The following ADAMTS17 variants were observed in gnomAD, a reference collection of about 807,000 sequenced individuals.
The protein encoded by ADAMTS17 is ADAM metallopeptidase with thrombospondin type 1 motif 17, also known as A disintegrin and metalloproteinase with thrombospondin motifs 17.
In ADAMTS17, 113 loss-of-function variants were observed where a neutral mutation model predicts 141.5. The ratio of observed to expected loss-of-function variants is 0.80; its 90% CI spans 0.69 to 0.93. The LOEUF (loss-of-function observed/expected upper bound fraction) is 0.93, where lower values mean the gene tolerates loss of function less well. Ranked by LOEUF, ADAMTS17 falls within the 40% of genes least tolerant of loss-of-function variation. The pLI is 0.00. For synonymous variants in ADAMTS17, 768 were observed against 630.6 expected (o/e 1.22, Z -3.27); for missense variants, 1,659 against 1,517.9 (o/e 1.09, Z -1.54).
At chr15:99,999,514 C>T (rs1009259473) in intron 18 of ADAMTS17, among the ~76,000 whole-genome samples, 26 of 150,868 alleles carry the variant, frequency 1.7e-4, no homozygotes, top group South Asian at 4.2e-4. Context: ...TGGAGGGGCA[C>T]GCTGGCGGGG....
chr15:100,245,211 C>T (rs1411275022), intron 7 of ADAMTS17, among the ~76,000 whole-genome samples: 1 of 152,188 alleles, frequency 6.6e-6, no homozygotes, highest in Non-Finnish European at 1.5e-5. Context: ...TGCAGGTTTG[C>T]AGCTGCCAAC....
chr15:100,051,580 CA>C lies in ADAMTS17; in HGVS notation c.2446del (p.Cys816AlafsTer23). On this transcript the variant is annotated frameshift_variant, in exon 17 of 22. Coordinates refer to ENST00000268070, the MANE Select transcript of ADAMTS17 (RefSeq NM_139057.4). LOFTEE classifies it high-confidence loss of function. ...HSGWEGCSVQ[C>X]GGGERRTIVS... is the part of the protein sequence containing the mutation. Reference sequence around the variant, plus strand: ...GGACCACGGCCACTCACCTCCGCCGCACTGCACACTGCACCCTTCCCAGCCG... The same window carrying C: ...GGACCACGGCCACTCACCTCCGCCGCCTGCACACTGCACCCTTCCCAGCCG... 1.2e-6 allele frequency: 2 copies of C among 1,613,666 alleles called. No individual in the cohort carries two copies. Among genetic ancestry groups the C allele is most frequent in the South Asian group, 2.2e-5 (2 of 91,062 alleles).
chr15:100,206,964 A>C (rs1423710693), intron 7 of ADAMTS17, among the ~76,000 whole-genome samples: 1 of 152,216 alleles, frequency 6.6e-6, no homozygotes, highest in African/African-American at 2.4e-5. Flanking sequence ...AGCCAGGAAG[A>C]AGGCAGAGTA....
chr15:100,137,577 T>C (rs1204311121), intron 10 of ADAMTS17, among the ~76,000 whole-genome samples: 1 of 152,160 alleles, frequency 6.6e-6, no homozygotes, highest in Non-Finnish European at 1.5e-5. Context: ...AATAGCAGAC[T>C]TTGTGGCAGA....
chr15:99,994,860 C>G (rs1036792128), intron 19 of ADAMTS17, among the ~76,000 whole-genome samples: 15 of 152,240 alleles, frequency 9.9e-5, no homozygotes, highest in Non-Finnish European at 1.9e-4. Flanking sequence ...CATTGCGCCT[C>G]GCAGCTCTTT....
intron 3 of ADAMTS17, among the ~76,000 whole-genome samples, chr15:100,294,078 G>A (rs534290968): frequency 1.9e-4 from 29 of 152,294 alleles, no homozygotes; most frequent in Non-Finnish European, 3.5e-4. Flanking sequence ...TAAGGTAGAT[G>A]TGGGATTAAG....
intron 20 of ADAMTS17, among the ~76,000 whole-genome samples, chr15:99,983,967 C>T (rs1299365784): frequency 1.3e-5 from 2 of 152,138 alleles, no homozygotes; most frequent in Non-Finnish European, 2.9e-5. Context: ...ACCTCGGAAG[C>T]GGTTGAAACC....
rs112103038 is a variant in ADAMTS17 at position 100,035,190 on chromosome 15, T to G, written c.2591+13667A>C. 6.2e-3 allele frequency among the ~76,000 whole-genome samples: 947 copies of G among 152,290 alleles called. 13 individuals carry two copies. The highest frequency in any genetic ancestry group is 0.021 in the African/African-American group (886 of 41,562). The stretch of plus-strand genomic sequence containing the variant: ...AGTTCCCCAGCAATGCTCTAGATGG[T>G]TAGAAATGACCCAGGTTTCACCATA... On this transcript the variant is annotated intron_variant, in intron 18 of 21. Transcript: ENST00000268070.
chr15:100,059,527 T>C (rs986484671), intron 15 of ADAMTS17, among the ~76,000 whole-genome samples: 1 of 152,236 alleles, frequency 6.6e-6, no homozygotes, highest in Non-Finnish European at 1.5e-5. Context: ...CCGTGGTCCA[T>C]CTGAAAAATC....
chr15:100,127,778 C>T (rs1056170269), intron 12 of ADAMTS17, among the ~76,000 whole-genome samples: 9 of 73,348 alleles, frequency 1.2e-4, no homozygotes, highest in Non-Finnish European at 1.9e-4. Flanking sequence ...GACAGGGTTT[C>T]ACCATGTTGG....
At chr15:99,979,563 C>T (rs1165821968) in intron 20 of ADAMTS17, 3 of 149,604 alleles carry the variant, frequency 2.0e-5, no homozygotes, top group South Asian at 2.1e-4. Context: ...TGCAAAACCA[C>T]GCGAGTGGTC....
chr15:100,284,146 C>T (rs2044373053), intron 3 of ADAMTS17, among the ~76,000 whole-genome samples: 1 of 151,932 alleles, frequency 6.6e-6, no homozygotes, highest in Non-Finnish European at 1.5e-5. Flanking sequence ...AAATCCTGTA[C>T]TGGGTATGTG....
At chr15:100,166,333 A>G (rs2039950307) in intron 8 of ADAMTS17, among the ~76,000 whole-genome samples, 1 of 152,202 alleles carries the variant, frequency 6.6e-6, no homozygotes, top group South Asian at 2.1e-4. Flanking sequence ...ATTCTTTTAC[A>G]ATATACAGGC....
chr15:100,262,939 A>G (rs542768902), intron 4 of ADAMTS17, among the ~76,000 whole-genome samples: 2 of 152,306 alleles, frequency 1.3e-5, no homozygotes, highest in Non-Finnish European at 2.9e-5. Flanking sequence ...AAATGTCCTT[A>G]AAAATGGATT....
chr15:100,039,066 C>G (rs2727138), intron 18 of ADAMTS17, among the ~76,000 whole-genome samples: 7,039 of 152,186 alleles, frequency 0.046, 338 homozygotes, highest in African/African-American at 0.12. Context: ...ATTCCCAATC[C>G]TTTTTATTTC....
At chr15:100,022,731 A>G (rs981593008) in intron 18 of ADAMTS17, among the ~76,000 whole-genome samples, 1 of 152,206 alleles carries the variant, frequency 6.6e-6, no homozygotes, top group African/African-American at 2.4e-5. Context: ...TAAATTACAG[A>G]GAGTCTTGGC....
chr15:100,218,898 C>T (rs202130754), intron 7 of ADAMTS17, among the ~76,000 whole-genome samples: 23 of 107,026 alleles, frequency 2.1e-4, no homozygotes, highest in South Asian at 4.8e-4. Flanking sequence ...CACCTGAACA[C>T]GCACACGTCC....
intron 4 of ADAMTS17, among the ~76,000 whole-genome samples, chr15:100,264,685 G>A (rs2043647258): frequency 6.6e-6 from 1 of 152,134 alleles, no homozygotes; most frequent in African/African-American, 2.4e-5. Context: ...GCTGGCTGAT[G>A]ACAGTTCAGA....
chr15:100,259,782 A>T (rs559436035), intron 6 of ADAMTS17, among the ~76,000 whole-genome samples: 1 of 152,222 alleles, frequency 6.6e-6, no homozygotes, highest in Non-Finnish European at 1.5e-5. Context: ...CGAACCATCC[A>T]CAAGAGTGAG....
Sources: gnomAD v4.1 joint callset for allele counts (sites outside exome capture counted in the v4.1 genomes callset) on GRCh38, gnomAD v4.1.1 for gene constraint, MANE v1.5 for transcripts, NCBI Gene and HGNC (gene_info 2026-07-23, HGNC 2026-07-21) for gene names.